ADCK1: variants seen among roughly 807,000 people sequenced by gnomAD.
ADCK1 encodes aarF domain-containing protein kinase 1.
ADCK1 carries 41 observed loss-of-function variants against 52.3 expected under a neutral mutation model. The observed-to-expected ratio is 0.78, with a 90% CI of 0.61 to 1.02. The LOEUF is 1.02. Ranked by LOEUF, ADCK1 falls within the 50% of genes least tolerant of loss-of-function variation. The pLI is 0.00. For synonymous variants in ADCK1, 250 were observed against 274.6 expected (o/e 0.91, Z 0.89); for missense variants, 658 against 679.5 (o/e 0.97, Z 0.35).
chr14:77,866,932 G>A (rs1439399904), intron 4 of ADCK1, among the ~76,000 whole-genome samples: 1 of 152,130 alleles, frequency 6.6e-6, no homozygotes, highest in Non-Finnish European at 1.5e-5. Flanking sequence ...CCCCCGCAGG[G>A]GAGAGATGCC....
chr14:77,915,342 A>G (rs868137177), intron 7 of ADCK1, among the ~76,000 whole-genome samples: 2 of 37,574 alleles, frequency 5.3e-5, no homozygotes, highest in African/African-American at 1.9e-4. Flanking sequence ...CCTCCCCCCT[A>G]CCCCCAGCCT....
chr14:77,888,986 G>A (rs769452462), intron 5 of ADCK1, among the ~76,000 whole-genome samples: 10 of 152,172 alleles, frequency 6.6e-5, no homozygotes, highest in Non-Finnish European at 1.5e-5. Flanking sequence ...TTGATTCATG[G>A]AGGCATGTCT....
intron 4 of ADCK1, among the ~76,000 whole-genome samples, chr14:77,874,010 A>G (rs377719967): frequency 2.0e-5 from 3 of 152,216 alleles, no homozygotes; most frequent in African/African-American, 7.2e-5. Context: ...CAAGTGAGGA[A>G]CTAATACCCA....
chr14:77,815,846 C>T (rs1416364881), intron 1 of ADCK1, among the ~76,000 whole-genome samples: 3 of 137,594 alleles, frequency 2.2e-5, no homozygotes, highest in African/African-American at 5.5e-5. Flanking sequence ...GATGGAGTCT[C>T]GTTCTGTTGC....
chr14:77,814,159 A>G (rs1310644762), intron 1 of ADCK1, among the ~76,000 whole-genome samples: 1 of 151,666 alleles, frequency 6.6e-6, no homozygotes, highest in Admixed American at 6.6e-5. Flanking sequence ...GCTCACTGCA[A>G]CCTTTGCCTC....
At chr14:77,887,968 A>G (rs1454255202) in intron 5 of ADCK1, among the ~76,000 whole-genome samples, 2 of 151,714 alleles carry the variant, frequency 1.3e-5, no homozygotes, top group East Asian at 1.9e-4. Flanking sequence ...TATTCTTTCA[A>G]CTCTAACCAA....
chr14:77,895,304 A>G (rs1370176633), intron 5 of ADCK1, among the ~76,000 whole-genome samples: 1 of 152,258 alleles, frequency 6.6e-6, no homozygotes, highest in Non-Finnish European at 1.5e-5. Flanking sequence ...TCTTTCCACT[A>G]AAACCTCAGA....
At chr14:77,845,625 A>G (rs1176613242) in intron 3 of ADCK1, among the ~76,000 whole-genome samples, 1 of 152,124 alleles carries the variant, frequency 6.6e-6, no homozygotes, top group Non-Finnish European at 1.5e-5. Context: ...AGGTTTCACC[A>G]TGTTGACCAG....
chr14:77,802,816 TGGTGCCG>T (rs1274339743), intron 1 of ADCK1, among the ~76,000 whole-genome samples: 2 of 151,734 alleles, frequency 1.3e-5, no homozygotes, highest in East Asian at 3.9e-4. Flanking sequence ...TAGCTGGGCG[TGGTGCCG>T]GGTGCCTGTA....
rs963491214 is a variant in ADCK1, at chr14:77,904,807, C to G, written c.742-2996C>G. Among the ~76,000 whole-genome samples the G allele has an allele frequency of 1.7e-4, 26 of 152,122 alleles. No homozygotes were observed. In the East Asian group the frequency reaches 1.9e-3, roughly 11 times the overall value. ...GGCCGCTGAGCACCCTGGCCATGAG[C>G]TCCTTAGAGTTTCAGCTTGCTTTGT... On this transcript the variant is annotated intron_variant, in intron 6 of 10. Coordinates refer to ENST00000238561, the MANE Select transcript of ADCK1 (RefSeq NM_020421.4).
rs151334859 is a variant in ADCK1, at chr14:77,819,558, A to T, written c.135+445A>T. Among the ~76,000 whole-genome samples, 376 of 152,260 alleles carry T rather than the reference A, an allele frequency of 2.5e-3. 1 individual carries two copies. The highest frequency in any genetic ancestry group is 4.5e-3 in the Non-Finnish European group (303 of 68,018). ...TAGGATGAATGGTTCCTGATGCAGG[A>T]CTCATACCCAGATGGTCTAGCCCTC... On this transcript the variant is annotated intron_variant, in intron 2 of 10. Transcript: ENST00000238561.
At chr14:77,866,513 C>T (rs898054330) in intron 4 of ADCK1, among the ~76,000 whole-genome samples, 6 of 152,164 alleles carry the variant, frequency 3.9e-5, no homozygotes, top group Admixed American at 1.3e-4. Flanking sequence ...TGGGGGGCAG[C>T]TCAGCTGGTT....
intron 3 of ADCK1, among the ~76,000 whole-genome samples, chr14:77,842,048 A>G (rs945472288): frequency 5.3e-5 from 8 of 151,952 alleles, no homozygotes; most frequent in Non-Finnish European, 1.0e-4. Context: ...CTATGATGGC[A>G]CCATTGTACC....
intron 3 of ADCK1, among the ~76,000 whole-genome samples, chr14:77,856,860 C>T (rs567317427): frequency 2.0e-4 from 31 of 152,058 alleles, no homozygotes; most frequent in African/African-American, 7.0e-4. Context: ...AAAAATTATC[C>T]GGGTGTGGTG....
rs2084410300 is a variant in ADCK1 at position 77,934,500 on chromosome 14, T to G, written c.*1109T>G. The G allele has an allele frequency of 1.3e-5, 2 of 152,154 alleles. No homozygotes were observed. The allele number at this position is 152,154 out of a possible 1,614,324, so 9.4% of individuals were successfully genotyped here. ...CTCCCCCCAGTCCTTCTGGAGACCT[T>G]AGTCCTCTTGCTGAAACCTCCGTCA... On this transcript the variant is annotated 3_prime_UTR_variant, in exon 11 of 11. Transcript: ENST00000238561.
At chr14:77,887,374 G>C in intron 5 of ADCK1, 125 bp downstream of exon 5, 1 of 1,113,616 alleles carries the variant, frequency 9.0e-7, no homozygotes, top group East Asian at 3.0e-5. Context: ...AGAGGGAGAG[G>C]AGAGCTGAGA....
intron 9 of ADCK1, among the ~76,000 whole-genome samples, chr14:77,930,100 G>T (rs753504777): frequency 1.4e-4 from 21 of 145,908 alleles, no homozygotes; most frequent in African/African-American, 2.1e-4. Context: ...GACTGAAGTT[G>T]CTGAGAGGCT....
At chr14:77,927,399 G>A (rs2084222868) in intron 9 of ADCK1, among the ~76,000 whole-genome samples, 1 of 152,176 alleles carries the variant, frequency 6.6e-6, no homozygotes, top group Admixed American at 6.5e-5. Context: ...TTTATTGACA[G>A]TGCATGTAAA....
intron 4 of ADCK1, among the ~76,000 whole-genome samples, chr14:77,869,321 G>A (rs963576680): frequency 1.3e-5 from 2 of 152,118 alleles, no homozygotes; most frequent in Admixed American, 6.6e-5. Context: ...CCTAGCTTCT[G>A]GGGGGTTTGC....
Sources: gnomAD v4.1 joint callset for allele counts (sites outside exome capture counted in the v4.1 genomes callset) on GRCh38, gnomAD v4.1.1 for gene constraint, MANE v1.5 for transcripts, NCBI Gene and HGNC (gene_info 2026-07-23, HGNC 2026-07-21) for gene names.